LONP2: variants seen among roughly 807,000 people sequenced by gnomAD.
The protein encoded by LONP2 is lon protease homolog 2, peroxisomal.
A neutral mutation model predicts 85.6 loss-of-function variants in LONP2; 60 were observed. The ratio of observed to expected loss-of-function variants is 0.70; its 90% confidence interval spans 0.57 to 0.87. The LOEUF (loss-of-function observed/expected upper bound fraction) is 0.87, where lower values mean the gene tolerates loss of function less well. LONP2 is among the 40% of genes least tolerant of loss of function. The pLI, the probability that LONP2 is intolerant of heterozygous loss-of-function variation, is 0.00. For synonymous variants in LONP2, 395 were observed against 389.7 expected, an observed-to-expected ratio of 1.01 and a Z score of -0.16; for missense variants, 860 against 1,063.5, an observed-to-expected ratio of 0.81 and a Z score of 2.66.
intron 8 of LONP2, among the ~76,000 whole-genome samples, chr16:48,281,411 C>A (rs529282574): frequency 2.0e-5 from 3 of 152,188 alleles, no homozygotes; most frequent in East Asian, 3.9e-4. Flanking sequence ...ATAGGTCCAA[C>A]TACTTAATTA....
chr16:48,269,818 ATC>A (rs1311950702), intron 6 of LONP2, among the ~76,000 whole-genome samples, 196 bp from the exon 7 acceptor site: 1 of 152,202 alleles, frequency 6.6e-6, no homozygotes, highest in African/African-American at 2.4e-5. Context: ...AGTGCCTACT[ATC>A]TCTGGGGACA....
chr16:48,350,460 TATCA>T (rs1310999390), intron 14 of LONP2, among the ~76,000 whole-genome samples: 1 of 152,198 alleles, frequency 6.6e-6, no homozygotes. Context: ...ATGGCCTTAG[TATCA>T]ATCAAGTGTG....
At chr16:48,318,021 T>C (rs1021045276) in intron 11 of LONP2, among the ~76,000 whole-genome samples, 2 of 152,064 alleles carry the variant, frequency 1.3e-5, no homozygotes, top group African/African-American at 4.8e-5. Flanking sequence ...TTCCTTGATA[T>C]ACATCCTTTT....
intron 8 of LONP2, among the ~76,000 whole-genome samples, chr16:48,286,363 G>C (rs928310941): frequency 6.6e-6 from 1 of 151,928 alleles, no homozygotes; most frequent in Non-Finnish European, 1.5e-5. Context: ...GGATGGTCTC[G>C]ATCTCCTGAC....
intron 10 of LONP2, among the ~76,000 whole-genome samples, chr16:48,301,496 G>A (rs564677047): frequency 3.3e-4 from 50 of 152,216 alleles, no homozygotes; most frequent in Non-Finnish European, 5.1e-4. Context: ...CATGCCGGGC[G>A]TGGTGGTGTG....
downstream of LONP2, among the ~76,000 whole-genome samples, chr16:48,358,810 G>C (rs1960467922): frequency 6.6e-6 from 1 of 152,136 alleles, no homozygotes; most frequent in Non-Finnish European, 1.5e-5. Context: ...CAGAGGATGA[G>C]CATATGTACA....
rs780135606 is a variant in LONP2 at position 48,351,561 on chromosome 16, A to C, written c.2338-20A>C. On this transcript the variant is annotated intron_variant, in intron 14 of 14. Transcript: ENST00000285737. The stretch of plus-strand genomic sequence containing the variant: ...TTGAGGGTGATCATTAACCCTAAAA[A>C]CTTTTTTCTCTCCTTACAGGTGGGT... 6.2e-7 allele frequency: 1 copy of C among 1,606,106 alleles called. No homozygotes were observed. Among genetic ancestry groups the C allele is most frequent in the Non-Finnish European group, 8.5e-7 (1 of 1,175,238 alleles).
chr16:48,306,445 T>G (rs1372691262), intron 11 of LONP2, among the ~76,000 whole-genome samples: 1 of 152,224 alleles, frequency 6.6e-6, no homozygotes, highest in Non-Finnish European at 1.5e-5. Context: ...TAACATTTAT[T>G]TGTGTGGTTT....
chr16:48,281,600 T>C (rs1488611927), intron 8 of LONP2, among the ~76,000 whole-genome samples: 2 of 152,202 alleles, frequency 1.3e-5, no homozygotes, highest in Non-Finnish European at 2.9e-5. Flanking sequence ...ACTTTATTGT[T>C]AAATATGAAT....
downstream of LONP2, chr16:48,361,292 C>A: frequency 3.0e-6 from 1 of 330,786 alleles, no homozygotes; most frequent in South Asian, 3.5e-5. Flanking sequence ...CTACAACAAA[C>A]ACAAAACTCA....
At chr16:48,313,140 G>A (rs1973069847) in intron 11 of LONP2, among the ~76,000 whole-genome samples, 1 of 152,134 alleles carries the variant, frequency 6.6e-6, no homozygotes, top group South Asian at 2.1e-4. Flanking sequence ...AAATATCCAT[G>A]TAAATTTTAA....
intron 8 of LONP2, among the ~76,000 whole-genome samples, chr16:48,291,107 T>G (rs1350555366): frequency 1.3e-5 from 2 of 152,220 alleles, no homozygotes; most frequent in African/African-American, 4.8e-5. Flanking sequence ...CTGATTTTAG[T>G]TATGTTATTT....
At chr16:48,296,237 G>A (rs1416600919) in intron 9 of LONP2, 72 bp downstream of exon 9, 2 of 1,488,924 alleles carry the variant, frequency 1.3e-6, no homozygotes. Context: ...TTATGCTATG[G>A]AGTTTTGACT....
intron 12 of LONP2, among the ~76,000 whole-genome samples, chr16:48,346,273 A>G (rs1959961112): frequency 6.6e-6 from 1 of 152,172 alleles, no homozygotes; most frequent in African/African-American, 2.4e-5. Context: ...TAGTTGACCT[A>G]TTGTGTTCAG....
In LONP2 at chr16:48,297,708, G is replaced by GT. The variant is rs752667729; in HGVS notation, c.1534+1553dup. Among the ~76,000 whole-genome samples the GT allele has an allele frequency of 2.8e-3, 380 of 136,424 alleles. 1 individual carries two copies. Among genetic ancestry groups the GT allele is most frequent in the African/African-American group, 7.6e-3 (282 of 37,000 alleles). The allele number at this position is 136,424 out of a possible 152,430, so 89.5% of individuals were successfully genotyped here. On this transcript the variant is annotated intron_variant, in intron 9 of 14. Transcript: ENST00000285737. ...GTGAATTATAATTGGATTTCTGTTTGTTTTTTTTTTGAGATGGAGTCTCAC... is the reference window on the plus strand; with the variant it reads ...GTGAATTATAATTGGATTTCTGTTTGTTTTTTTTTTTGAGATGGAGTCTCAC...
chr16:48,342,708 A>G (rs1158061621), intron 12 of LONP2, among the ~76,000 whole-genome samples: 1 of 152,230 alleles, frequency 6.6e-6, no homozygotes, highest in African/African-American at 2.4e-5. Context: ...CAAATCTACA[A>G]CTAGAAAAAT....
rs1440727265 is a variant in LONP2, at chr16:48,355,218, G to C, written c.*3416G>C. 9.2e-5 allele frequency: 14 copies of C among 152,124 alleles called. No homozygotes were observed. In the East Asian group the frequency reaches 2.5e-3, roughly 27 times the overall value. The allele number at this position is 152,124 out of a possible 1,614,324, so 9.4% of individuals were successfully genotyped here. ...GTCTGAATGTCCCCCCACCAAATTC[G>C]TATGTTGAAGCAACCACCAACGTGA... On this transcript the variant is annotated 3_prime_UTR_variant, in exon 15 of 15. Coordinates refer to ENST00000285737, the MANE Select transcript of LONP2 (RefSeq NM_031490.5).
At chr16:48,333,682 AAGAGAG>A (rs1226126441) in intron 11 of LONP2, among the ~76,000 whole-genome samples, 13 of 146,478 alleles carry the variant, frequency 8.9e-5, no homozygotes, top group African/African-American at 3.0e-4. Flanking sequence ...GAGAGAGAGA[AAGAGAG>A]AGAGAGAGAG....
intron 4 of LONP2, among the ~76,000 whole-genome samples, chr16:48,260,230 TTTTA>T (rs1406932520): frequency 1.3e-5 from 2 of 152,234 alleles, no homozygotes; most frequent in African/African-American, 4.8e-5. Flanking sequence ...AAAATTAAAT[TTTTA>T]TTTACTGCTT....
Sources: gnomAD v4.1 joint callset for allele counts (sites outside exome capture counted in the v4.1 genomes callset) on GRCh38, gnomAD v4.1.1 for gene constraint, MANE v1.5 for transcripts, NCBI Gene and HGNC (gene_info 2026-07-23, HGNC 2026-07-21) for gene names.